The following NOMO1 variants were observed in gnomAD, a reference collection of about 807,000 sequenced individuals.
NOMO1 encodes the protein nodal modulator 3.
NOMO1 carries 40 observed loss-of-function variants against 133.8 expected under a neutral mutation model. The observed-to-expected ratio is 0.30, with a 90% confidence interval of 0.23 to 0.39. NOMO1 has a LOEUF of 0.39. Among genes scored for constraint, NOMO1 ranks in the 10% least tolerant of loss-of-function variants. The pLI, the probability that NOMO1 is intolerant of heterozygous loss-of-function variation, is 1.00. For missense variants in NOMO1, 462 were observed against 1,419.9 expected, an observed-to-expected ratio of 0.33 and a Z score of 10.84; for synonymous variants, 236 against 570.5, an observed-to-expected ratio of 0.41 and a Z score of 8.36.
intron 23 of NOMO1, 132 bp from the exon 24 acceptor site, chr16:14,879,883 G>T (rs1964217610): frequency 3.8e-6 from 6 of 1,586,386 alleles, no homozygotes; most frequent in South Asian, 2.3e-5. Context: ...TAGAGAGAGG[G>T]TTACTATTTC....
intron 28 of NOMO1, 29 bp from the exon 29 acceptor site, chr16:14,889,067 A>C (rs1402773751): frequency 3.7e-6 from 6 of 1,611,770 alleles, no homozygotes; most frequent in Non-Finnish European, 5.1e-6. Context: ...CTGTCCTTGT[A>C]AAAATAACTT....
intron 5 of NOMO1, among the ~76,000 whole-genome samples, chr16:14,848,118 A>T (rs1000806763): frequency 3.9e-5 from 6 of 152,042 alleles, no homozygotes; most frequent in Non-Finnish European, 8.8e-5. Context: ...AAGATTTGAC[A>T]CAATAAAATA....
Position 14,866,476 on chromosome 16 carries a change from T to C in NOMO1, c.1670-79T>C. On this transcript the variant is annotated intron_variant, in intron 14 of 30. Coordinates refer to ENST00000287667, the MANE Select transcript of NOMO1 (RefSeq NM_014287.4). ...CTGCTTTTTAAAATTGATTAATTCATGATCATTGTTTCTGGTGGCGTGGAG... is the reference window on the plus strand; with the variant it reads ...CTGCTTTTTAAAATTGATTAATTCACGATCATTGTTTCTGGTGGCGTGGAG... 2.5e-6 allele frequency: 4 copies of C among 1,609,574 alleles called. No individual in the cohort carries two copies. The South Asian group carries it at 3.3e-5, about 13-fold the overall frequency.
At chr16:14,868,083 G>GT (rs1277781938) in intron 15 of NOMO1, among the ~76,000 whole-genome samples, 1 of 65,536 alleles carries the variant, frequency 1.5e-5, no homozygotes, top group East Asian at 3.4e-4. Context: ...CGTGTTGTTG[G>GT]TTTTTCCTCC....
chr16:14,870,979 T>G (rs1405823413), intron 16 of NOMO1, among the ~76,000 whole-genome samples: 1 of 148,290 alleles, frequency 6.7e-6, no homozygotes, highest in Non-Finnish European at 1.5e-5. Context: ...GCTTGTTGAG[T>G]GCAATGAAAA....
intron 11 of NOMO1, 195 bp from the exon 12 acceptor site, chr16:14,862,818 A>C: frequency 1.7e-6 from 1 of 599,544 alleles, no homozygotes; most frequent in Non-Finnish European, 3.0e-6. Context: ...TTGCTTCTGA[A>C]GGTTGCTTTT....
At chr16:14,850,599 T>C (rs999498330) in intron 6 of NOMO1, among the ~76,000 whole-genome samples, 125 of 150,750 alleles carry the variant, frequency 8.3e-4, no homozygotes, top group African/African-American at 2.9e-3. Context: ...GTATTGAAGC[T>C]GTATCTCATT....
At chr16:14,858,617 C>T (rs1286495390) in intron 11 of NOMO1, among the ~76,000 whole-genome samples, 1 of 152,062 alleles carries the variant, frequency 6.6e-6, no homozygotes, top group Non-Finnish European at 1.5e-5. Flanking sequence ...GCTACTGAAG[C>T]AGAATATACT....
intron 4 of NOMO1, 48 bp from the exon 5 acceptor site, chr16:14,846,529 G>C (rs1403267352): frequency 6.4e-6 from 4 of 621,882 alleles, no homozygotes; most frequent in Non-Finnish European, 1.1e-5. Flanking sequence ...AGTGCTTTGA[G>C]AGGAGGGTGC....
In NOMO1 at chr16:14,874,188, C is replaced by T. The variant is rs1006303679; in HGVS notation, c.2055-848C>T. 1.5e-3 allele frequency among the ~76,000 whole-genome samples: 225 copies of T among 151,804 alleles called. 3 individuals carry two copies. The highest frequency in any genetic ancestry group is 5.0e-3 in the African/African-American group (205 of 41,256). On this transcript the variant is annotated intron_variant, in intron 18 of 30. Transcript: ENST00000287667. Reference sequence around the variant, plus strand: ...GCTTTGTGTATTTTCCATGAAGGAGCGAACGATTTCTTTTATCATACCATT... The same window carrying T: ...GCTTTGTGTATTTTCCATGAAGGAGTGAACGATTTCTTTTATCATACCATT...
At chr16:14,863,280 T>G in intron 12 of NOMO1, 93 bp downstream of exon 12, 1 of 1,505,356 alleles carries the variant, frequency 6.6e-7, no homozygotes, top group Non-Finnish European at 8.9e-7. Flanking sequence ...AGAAGGAGCA[T>G]TCCAGTTTCC....
chr16:14,845,582 G>A (rs1422382918), intron 4 of NOMO1, among the ~76,000 whole-genome samples: 1 of 151,958 alleles, frequency 6.6e-6, no homozygotes, highest in East Asian at 1.9e-4. Context: ...CAGCTCCCGC[G>A]ATTCAGATTC....
chr16:14,851,100 A>T (rs1300781554), intron 6 of NOMO1, among the ~76,000 whole-genome samples: 2 of 148,904 alleles, frequency 1.3e-5, no homozygotes, highest in East Asian at 4.0e-4. Context: ...AAAAAAAAAA[A>T]ATTTATTCGA....
chr16:14,877,933 A>G (rs1469976717), intron 22 of NOMO1, among the ~76,000 whole-genome samples: 1 of 130,970 alleles, frequency 7.6e-6, no homozygotes, highest in African/African-American at 2.8e-5. Flanking sequence ...CTAGAGATAC[A>G]TATTTGGGGA....
intron 20 of NOMO1, among the ~76,000 whole-genome samples, chr16:14,875,654 A>T (rs1209970051): frequency 6.6e-6 from 1 of 152,034 alleles, no homozygotes; most frequent in South Asian, 2.1e-4. Context: ...GAATGAATGA[A>T]TGATTTAGAT....
chr16:14,860,451 T>C (rs1328745480), intron 11 of NOMO1, among the ~76,000 whole-genome samples: 3 of 151,502 alleles, frequency 2.0e-5, no homozygotes, highest in Non-Finnish European at 4.4e-5. Flanking sequence ...TCTTCCTGGC[T>C]GCTGTGTGGA....
At chr16:14,874,042 GGTC>G (rs1239306043) in intron 18 of NOMO1, among the ~76,000 whole-genome samples, 62 of 41,794 alleles carry the variant, frequency 1.5e-3, no homozygotes, top group Admixed American at 0.01. Flanking sequence ...CCCCCTCTGG[GGTC>G]ACTGTAGCAG....
intron 9 of NOMO1, among the ~76,000 whole-genome samples, chr16:14,856,457 C>T (rs1378075240): frequency 1.3e-5 from 2 of 151,312 alleles, no homozygotes; most frequent in Admixed American, 6.6e-5. Context: ...AGTCTTGCTG[C>T]GTCACACAGG....
chr16:14,875,257 A>T lies in NOMO1; in HGVS notation c.2273+3A>T. The T allele has an allele frequency of 6.2e-7, 1 of 1,611,042 alleles. No individual in the cohort carries two copies. Among genetic ancestry groups the T allele is most frequent in the Non-Finnish European group, 8.5e-7 (1 of 1,179,650 alleles). On this transcript the variant is annotated splice_donor_region_variant and intron_variant, in intron 19 of 30. Transcript: ENST00000287667. ...TATGATTTCTCTTACTGGGCGCGGT[A>T]AGCTCTCTTGTGCGTTTCCCTACAG...
Sources: gnomAD v4.1 joint callset for allele counts (sites outside exome capture counted in the v4.1 genomes callset) on GRCh38, gnomAD v4.1.1 for gene constraint, MANE v1.5 for transcripts, NCBI Gene and HGNC (gene_info 2026-07-23, HGNC 2026-07-21) for gene names.